Variants in ESRP1 observed in about 807,000 individuals in gnomAD.
ESRP1 encodes RNA-binding motif protein 35A.
A neutral mutation model predicts 81.7 loss-of-function variants in ESRP1; 33 were observed. That is an observed-to-expected ratio of 0.40 (90% CI 0.31 to 0.54). The LOEUF is 0.54. ESRP1 is among the 20% of genes least tolerant of loss of function. The probability of loss-of-function intolerance (pLI) is 0.41; values close to 1 mark genes in which losing one functional copy is unlikely to be tolerated. For synonymous variants in ESRP1, 320 were observed against 303.3 expected, an observed-to-expected ratio of 1.06 and a Z score of -0.57; for missense variants, 672 against 833.1, an observed-to-expected ratio of 0.81 and a Z score of 2.38.
At chr8:94,673,960 G>A (rs1006101207) in intron 11 of ESRP1, among the ~76,000 whole-genome samples, 6 of 152,090 alleles carry the variant, frequency 3.9e-5, no homozygotes, top group Non-Finnish European at 5.9e-5. Context: ...AGATTTAATC[G>A]AATTTTTCAG....
At position 94,706,789 on chromosome 8, in the gene ESRP1, G is replaced by A. The variant is rs1039906828; in HGVS notation, c.*900G>A. 2 of 152,132 alleles carry A rather than the reference G, an allele frequency of 1.3e-5. No individual in the cohort carries two copies. Among genetic ancestry groups the A allele is most frequent in the Non-Finnish European group, 2.9e-5 (2 of 68,008 alleles). The allele number at this position is 152,132 out of a possible 1,614,324, so 9.4% of individuals were successfully genotyped here. ...CCAGAAGTGAGACAATTTGAACAGTGTATTCTAGAAAACAATACACTAACT... is the reference window on the plus strand; with the variant it reads ...CCAGAAGTGAGACAATTTGAACAGTATATTCTAGAAAACAATACACTAACT... On this transcript the variant is annotated 3_prime_UTR_variant, in exon 16 of 16. Coordinates refer to ENST00000433389, the MANE Select transcript of ESRP1 (RefSeq NM_017697.4).
intron 4 of ESRP1, among the ~76,000 whole-genome samples, chr8:94,660,105 C>T (rs1486738526): frequency 1.3e-5 from 2 of 152,218 alleles, no homozygotes; most frequent in Admixed American, 6.5e-5. Flanking sequence ...CTGATGAAGG[C>T]AGCTACACTA....
intron 9 of ESRP1, among the ~76,000 whole-genome samples, chr8:94,665,790 G>A (rs114273740): frequency 0.02 from 3,022 of 152,222 alleles, 85 homozygotes; most frequent in African/African-American, 0.069. Flanking sequence ...CCCTGTGCCC[G>A]GCCAGGAAAT....
At chr8:94,685,406 A>G (rs1308128937) in intron 13 of ESRP1, among the ~76,000 whole-genome samples, 1 of 152,170 alleles carries the variant, frequency 6.6e-6, no homozygotes, top group Non-Finnish European at 1.5e-5. Context: ...GGCCAATTAA[A>G]TTGATATTGG....
chr8:94,685,938 C>CT (rs1196649248), intron 13 of ESRP1, among the ~76,000 whole-genome samples: 1 of 152,056 alleles, frequency 6.6e-6, no homozygotes, highest in Non-Finnish European at 1.5e-5. Context: ...CTTGGAAAAA[C>CT]TTAATACCTA....
intron 4 of ESRP1, among the ~76,000 whole-genome samples, chr8:94,661,202 G>A (rs1267039796): frequency 6.6e-6 from 1 of 151,994 alleles, no homozygotes; most frequent in African/African-American, 2.4e-5. Context: ...CACCACGCCT[G>A]GTTAATTTTG....
At chr8:94,652,441 G>A (rs113943634) in intron 4 of ESRP1, among the ~76,000 whole-genome samples, 79 of 151,228 alleles carry the variant, frequency 5.2e-4, no homozygotes, top group African/African-American at 1.8e-3. Flanking sequence ...AAGTGAGGAT[G>A]GTGAGGGTGT....
At chr8:94,695,348 C>CTTTT (rs1177357708) in intron 14 of ESRP1, among the ~76,000 whole-genome samples, 1,110 of 61,136 alleles carry the variant, frequency 0.018, 48 homozygotes, top group African/African-American at 0.029. Context: ...CTTTTTCTTT[C>CTTTT]TTTTTTTTTT....
At chr8:94,676,553 G>T (rs1477802515) in intron 12 of ESRP1, among the ~76,000 whole-genome samples, 1 of 151,864 alleles carries the variant, frequency 6.6e-6, no homozygotes, top group African/African-American at 2.4e-5. Context: ...AGGCTGGCAT[G>T]CAGTGGCTCA....
chr8:94,686,668 C>G (rs554863249), intron 13 of ESRP1, among the ~76,000 whole-genome samples: 17 of 152,172 alleles, frequency 1.1e-4, no homozygotes, highest in African/African-American at 4.1e-4. Context: ...AATTTTTGAA[C>G]TTTTATATCT....
chr8:94,689,811 CTT>C (rs58359551), intron 13 of ESRP1, among the ~76,000 whole-genome samples: 139 of 64,628 alleles, frequency 2.2e-3, no homozygotes, highest in Middle Eastern at 7.8e-3. Flanking sequence ...TGATGCCTGG[CTT>C]TTTTTTTTTT....
intron 3 of ESRP1, among the ~76,000 whole-genome samples, chr8:94,643,763 C>T (rs1258352014): frequency 2.0e-5 from 3 of 151,808 alleles, no homozygotes; most frequent in East Asian, 1.9e-4. Context: ...TTCCCTTTTC[C>T]GAAGCTAATA....
At chr8:94,646,964 A>C (rs1371336992) in intron 4 of ESRP1, among the ~76,000 whole-genome samples, 2 of 152,232 alleles carry the variant, frequency 1.3e-5, no homozygotes, top group Non-Finnish European at 2.9e-5. Flanking sequence ...CTAATATATC[A>C]GATGTAAAGT....
intron 13 of ESRP1, 104 bp from the exon 14 acceptor site, chr8:94,692,573 A>C (rs914587893): frequency 8.1e-7 from 1 of 1,231,754 alleles, no homozygotes; most frequent in Non-Finnish European, 1.1e-6. Context: ...AGTATAAGAA[A>C]GGTTGCCTTG....
At chr8:94,645,230 A>G (rs1338462314) in intron 3 of ESRP1, among the ~76,000 whole-genome samples, 1 of 152,176 alleles carries the variant, frequency 6.6e-6, no homozygotes, top group Non-Finnish European at 1.5e-5. Flanking sequence ...GTAAAATCCA[A>G]TAGAAGGAAC....
rs57801249 is a variant in ESRP1 at position 94,705,156 on chromosome 8, C to CTTTT, written c.*36-743_*36-740dup. On this transcript the variant is annotated intron_variant, in intron 15 of 15. Transcript: ENST00000433389. ...TTTGCTGTTATGTCATGCCTTATTGCTTTTTTTTTTTTTTTTTTTTTTTTT... is the reference window on the plus strand; with the variant it reads ...TTTGCTGTTATGTCATGCCTTATTGCTTTTTTTTTTTTTTTTTTTTTTTTTTTTT... 8.2e-4 allele frequency among the ~76,000 whole-genome samples: 74 copies of CTTTT among 90,530 alleles called. 7 individuals carry two copies. The highest frequency in any genetic ancestry group is 7.5e-4 in the African/African-American group (17 of 22,786). The allele number at this position is 90,530 out of a possible 152,430, so 59.4% of individuals were successfully genotyped here.
At chr8:94,682,820 C>T (rs776998055) in intron 13 of ESRP1, among the ~76,000 whole-genome samples, 4 of 140,416 alleles carry the variant, frequency 2.8e-5, no homozygotes, top group Non-Finnish European at 6.0e-5. Context: ...TGTTTTAAAA[C>T]CAGCTTTTGT....
chr8:94,641,397 GAGA>G lies in ESRP1; in HGVS notation c.82_84del (p.Lys28del). On this transcript the variant is annotated inframe_deletion, in exon 1 of 16. Coordinates refer to ENST00000433389, the MANE Select transcript of ESRP1 (RefSeq NM_017697.4). ...CACCGGGGCCAAGCTAGGCTCGGAT[GAGA>G]AGGAGTTGATCCTGCTGTTCTGGAA... The G allele has an allele frequency of 6.2e-7, 1 of 1,613,990 alleles. No homozygotes were observed. Among genetic ancestry groups the G allele is most frequent in the Non-Finnish European group, 8.5e-7 (1 of 1,179,884 alleles).
chr8:94,660,129 T>G (rs1818642023), intron 4 of ESRP1, among the ~76,000 whole-genome samples: 1 of 152,232 alleles, frequency 6.6e-6, no homozygotes, highest in South Asian at 2.1e-4. Flanking sequence ...AGATTTTCAA[T>G]GTACTAGAAA....
Sources: allele counts gnomAD v4.1 joint callset (sites outside exome capture counted in the v4.1 genomes callset), GRCh38; gene constraint gnomAD v4.1.1; transcripts MANE v1.5; gene names NCBI Gene and HGNC (gene_info 2026-07-23, HGNC 2026-07-21).